EDIL3: variants seen among roughly 807,000 people sequenced by gnomAD.
The protein encoded by EDIL3 is EGF-like repeat and discoidin I-like domain-containing protein 3.
In EDIL3, 37 loss-of-function variants were observed where a neutral mutation model predicts 67.4. The ratio of observed to expected loss-of-function variants is 0.55; its 90% CI spans 0.42 to 0.72. EDIL3 has a LOEUF of 0.72. Ranked by LOEUF, EDIL3 falls within the 30% of genes least tolerant of loss-of-function variation. The pLI, the probability that EDIL3 is intolerant of heterozygous loss-of-function variation, is 0.00. For synonymous variants in EDIL3, 195 were observed against 196.3 expected, an observed-to-expected ratio of 0.99 and a Z score of 0.05; for missense variants, 527 against 586.3, an observed-to-expected ratio of 0.90 and a Z score of 1.04.
chr5:84,087,555 G>A (rs1324078143), intron 6 of EDIL3, among the ~76,000 whole-genome samples: 2 of 152,134 alleles, frequency 1.3e-5, no homozygotes, highest in Non-Finnish European at 1.5e-5. Flanking sequence ...CTCAGTCTTG[G>A]GGATATGAAA....
At chr5:84,110,551 G>A (rs1165586129) in intron 5 of EDIL3, among the ~76,000 whole-genome samples, 1 of 152,174 alleles carries the variant, frequency 6.6e-6, no homozygotes, top group African/African-American at 2.4e-5. Flanking sequence ...ATCAATGTCA[G>A]ATGAGAACTC....
chr5:84,190,042 G>A (rs1427056922), intron 3 of EDIL3, among the ~76,000 whole-genome samples: 1 of 151,954 alleles, frequency 6.6e-6, no homozygotes, highest in African/African-American at 2.4e-5. Flanking sequence ...GGTGCACCTT[G>A]AAATCTTTGG....
chr5:84,207,187 C>T (rs1744000594), intron 3 of EDIL3, among the ~76,000 whole-genome samples: 1 of 152,226 alleles, frequency 6.6e-6, no homozygotes, highest in African/African-American at 2.4e-5. Context: ...TGAGAAGCAA[C>T]TTCAGCAAAG....
chr5:84,321,564 A>T (rs1746649929), intron 1 of EDIL3, among the ~76,000 whole-genome samples: 5 of 152,170 alleles, frequency 3.3e-5, no homozygotes, highest in Admixed American at 1.3e-4. Flanking sequence ...TTAGCACAAT[A>T]GCAGCTCCTC....
intron 9 of EDIL3, among the ~76,000 whole-genome samples, chr5:84,015,319 G>T (rs1745583745): frequency 6.6e-6 from 1 of 152,170 alleles, no homozygotes; most frequent in Non-Finnish European, 1.5e-5. Flanking sequence ...AATGAGAAAG[G>T]TTATTGCACA....
At chr5:83,965,236 G>A (rs1422193650) in intron 9 of EDIL3, among the ~76,000 whole-genome samples, 7 of 152,100 alleles carry the variant, frequency 4.6e-5, no homozygotes, top group Middle Eastern at 3.4e-3. Flanking sequence ...CACCACACTC[G>A]TCAAACTGAC....
intron 1 of EDIL3, among the ~76,000 whole-genome samples, chr5:84,292,465 G>T (rs1224741446): frequency 6.6e-6 from 1 of 152,068 alleles, no homozygotes; most frequent in Non-Finnish European, 1.5e-5. Flanking sequence ...TCTCAGCTGT[G>T]CACAGAAGAA....
At chr5:84,317,187 C>A (rs1746531042) in intron 1 of EDIL3, among the ~76,000 whole-genome samples, 1 of 152,168 alleles carries the variant, frequency 6.6e-6, no homozygotes, top group East Asian at 1.9e-4. Flanking sequence ...ACCCTAAAAT[C>A]ACAATTAAAA....
chr5:84,011,160 C>T (rs567296898), intron 9 of EDIL3, among the ~76,000 whole-genome samples: 1 of 152,220 alleles, frequency 6.6e-6, no homozygotes, highest in Admixed American at 6.5e-5. Flanking sequence ...AATGACATTT[C>T]ACATTATCTG....
At chr5:83,992,931 G>T (rs909255485) in intron 9 of EDIL3, among the ~76,000 whole-genome samples, 3 of 151,784 alleles carry the variant, frequency 2.0e-5, no homozygotes, top group Admixed American at 6.6e-5. Context: ...TAAGTAATAT[G>T]AAGCTACAAT....
At chr5:84,025,509 A>G (rs971628907) in intron 9 of EDIL3, among the ~76,000 whole-genome samples, 7 of 152,124 alleles carry the variant, frequency 4.6e-5, no homozygotes, top group Non-Finnish European at 7.4e-5. Flanking sequence ...ATATATTACA[A>G]TGTAATAATA....
chr5:83,994,833 T>C (rs1745209992), intron 9 of EDIL3, among the ~76,000 whole-genome samples: 1 of 152,130 alleles, frequency 6.6e-6, no homozygotes, highest in South Asian at 2.1e-4. Flanking sequence ...AATTAGAAAA[T>C]ATCATTATGT....
chr5:83,953,188 C>T (rs1040090811), intron 10 of EDIL3, among the ~76,000 whole-genome samples: 1 of 151,752 alleles, frequency 6.6e-6, no homozygotes, highest in Non-Finnish European at 1.5e-5. Context: ...GTTGCAAGAT[C>T]AAATATTTTG....
At chr5:84,327,322 TA>T (rs927932969) in intron 1 of EDIL3, among the ~76,000 whole-genome samples, 185 of 151,588 alleles carry the variant, frequency 1.2e-3, no homozygotes, top group African/African-American at 4.2e-3. Context: ...ACCATTCTTT[TA>T]AAAAAAAATT....
intron 4 of EDIL3, among the ~76,000 whole-genome samples, chr5:84,165,719 C>T (rs544600772): frequency 3.9e-5 from 6 of 152,228 alleles, no homozygotes; most frequent in South Asian, 4.1e-4. Context: ...GCACTGTTCA[C>T]GGCTCCTTCA....
chr5:84,110,745 G>A (rs531117437), intron 5 of EDIL3, among the ~76,000 whole-genome samples: 5 of 152,188 alleles, frequency 3.3e-5, no homozygotes, highest in African/African-American at 7.2e-5. Flanking sequence ...AATTTGACTC[G>A]GATCTTTTCC....
At chr5:83,968,104 TAGTCCC>T (rs1208004752) in intron 9 of EDIL3, among the ~76,000 whole-genome samples, 1 of 152,150 alleles carries the variant, frequency 6.6e-6, no homozygotes, top group Admixed American at 6.6e-5. Flanking sequence ...CAATTGTAGC[TAGTCCC>T]AGTTATATTT....
intron 6 of EDIL3, among the ~76,000 whole-genome samples, chr5:84,095,186 G>GC (rs1463862812): frequency 6.6e-6 from 1 of 152,158 alleles, no homozygotes; most frequent in East Asian, 1.9e-4. Context: ...TGAAGTCTGA[G>GC]CATGACCTGC....
intron 9 of EDIL3, among the ~76,000 whole-genome samples, chr5:84,007,322 C>T (rs56711876): frequency 7.9e-5 from 12 of 152,016 alleles, no homozygotes; most frequent in South Asian, 2.1e-4. Flanking sequence ...AAGCAATCAA[C>T]GAAGTGAAGA....
Sources: gnomAD v4.1 joint callset for allele counts (sites outside exome capture counted in the v4.1 genomes callset) on GRCh38, gnomAD v4.1.1 for gene constraint, MANE v1.5 for transcripts, NCBI Gene and HGNC (gene_info 2026-07-23, HGNC 2026-07-21) for gene names.